The following CAST variants were observed in gnomAD, a reference collection of about 807,000 sequenced individuals.
CAST encodes calpastatin.
Under a neutral mutation model 119.6 loss-of-function variants are expected in CAST, and 76 were observed. The observed-to-expected ratio is 0.64, with a 90% CI of 0.53 to 0.77. The LOEUF is 0.77. Among genes scored for constraint, CAST ranks in the 30% least tolerant of loss-of-function variants. The pLI is 0.00. For missense variants in CAST, 953 were observed against 946.5 expected, an observed-to-expected ratio of 1.01 and a Z score of -0.09; for synonymous variants, 319 against 331.6, an observed-to-expected ratio of 0.96 and a Z score of 0.41.
chr5:96,688,530 G>A (rs139485547), intron 2 of CAST, among the ~76,000 whole-genome samples: 2 of 152,276 alleles, frequency 1.3e-5, no homozygotes, highest in East Asian at 3.9e-4. Flanking sequence ...ATATACTGAC[G>A]AAGGCATTTT....
At chr5:96,410,237 C>T in the CAST span, among the ~76,000 whole-genome samples, 3 of 152,060 alleles carry the variant, frequency 2.0e-5, no homozygotes, top group Non-Finnish European at 4.4e-5. Flanking sequence ...TCTGAGCATA[C>T]GACCTCCCCG....
the CAST span, among the ~76,000 whole-genome samples, chr5:96,354,164 T>C: frequency 6.6e-6 from 1 of 152,136 alleles, no homozygotes; most frequent in East Asian, 1.9e-4. Flanking sequence ...CCATCACCAG[T>C]CTCCTGAACC....
Position 96,741,288 on chromosome 5 carries a change from C to T in CAST, c.941C>T (p.Ala314Val). Residue 314 changes from alanine to valine, a missense_variant, in exon 14 of 32, where the codon GCT becomes GTT. Coordinates refer to ENST00000675179, the MANE Select transcript of CAST (RefSeq NM_001750.7). Reference protein sequence around the residue: ...DSSKPIGPDDAIDALSSDFTC... With the variant: ...DSSKPIGPDDVIDALSSDFTC... The stretch of plus-strand genomic sequence containing the variant: ...TAGAAACCCATAGGGCCAGATGATG[C>T]TATAGACGCCTTGTCATCTGACTTC... 6.2e-7 allele frequency: 1 copy of T among 1,611,824 alleles called. No homozygotes were observed. Among genetic ancestry groups the T allele is most frequent in the Non-Finnish European group, 8.5e-7 (1 of 1,177,940 alleles).
At chr5:96,345,295 T>G in the CAST span, among the ~76,000 whole-genome samples, 1 of 151,970 alleles carries the variant, frequency 6.6e-6, no homozygotes, top group African/African-American at 2.4e-5. Context: ...CTACTCTTTT[T>G]TGAAGAGTCC....
the CAST span, among the ~76,000 whole-genome samples, chr5:96,163,640 G>GCCA: frequency 6.6e-6 from 1 of 152,200 alleles, no homozygotes; most frequent in Non-Finnish European, 1.5e-5. Flanking sequence ...CTATTGCCCA[G>GCCA]CCACTGGGCC....
chr5:96,184,052 G>A, the CAST span, among the ~76,000 whole-genome samples: 1 of 152,184 alleles, frequency 6.6e-6, no homozygotes. Flanking sequence ...AATGAGGGTA[G>A]CATTTAATCA....
chr5:96,111,088 C>T, the CAST span: 2 of 152,326 alleles, frequency 1.3e-5, no homozygotes, highest in South Asian at 2.1e-4. Context: ...TAGTGAGTCC[C>T]CAGGTTACCT....
the CAST span, among the ~76,000 whole-genome samples, chr5:96,289,802 T>C: frequency 6.6e-6 from 1 of 152,160 alleles, no homozygotes; most frequent in South Asian, 2.1e-4. Flanking sequence ...CTCAGCTTTG[T>C]TGAGAGACAA....
At chr5:96,167,475 A>G in the CAST span, among the ~76,000 whole-genome samples, 1 of 152,330 alleles carries the variant, frequency 6.6e-6, no homozygotes, top group African/African-American at 2.4e-5. Context: ...AATGGGCTGT[A>G]CCCTGTAGCA....
rs185089427 is a variant in CAST, at chr5:96,565,994, G to A, written c.60+36114G>A. Among the ~76,000 whole-genome samples the A allele has an allele frequency of 3.2e-3, 494 of 152,182 alleles. 2 individuals are homozygous for A. The highest frequency in any genetic ancestry group is 0.01 in the Middle Eastern group (3 of 294). On this transcript the variant is annotated intron_variant, in intron 1 of 11. Coordinates refer to the CAST transcript ENST00000505143. ...ATTTATCCTAACTGAAAATAGAGGCGGAGAATCATCAGCCCTAGTATCCCT... is the reference window on the plus strand; with the variant it reads ...ATTTATCCTAACTGAAAATAGAGGCAGAGAATCATCAGCCCTAGTATCCCT...
At chr5:96,269,046 C>T in the CAST span, among the ~76,000 whole-genome samples, 1 of 152,252 alleles carries the variant, frequency 6.6e-6, no homozygotes, top group Admixed American at 6.5e-5. Flanking sequence ...TGCCTTCCAC[C>T]ATGATTATAA....
At chr5:96,365,573 A>G in the CAST span, among the ~76,000 whole-genome samples, 1 of 152,188 alleles carries the variant, frequency 6.6e-6, no homozygotes, top group Non-Finnish European at 1.5e-5. Flanking sequence ...CTTTACCATT[A>G]TGTAATGGCC....
chr5:96,256,300 T>G, the CAST span, among the ~76,000 whole-genome samples: 1 of 148,260 alleles, frequency 6.7e-6, no homozygotes, highest in African/African-American at 2.5e-5. Flanking sequence ...ATACAGTTTA[T>G]ACAGTATATT....
the CAST span, among the ~76,000 whole-genome samples, chr5:96,086,022 T>C: frequency 6.6e-6 from 1 of 152,194 alleles, no homozygotes; most frequent in Non-Finnish European, 1.5e-5. Flanking sequence ...AATCCATGAA[T>C]GCTCAAGTCT....
At chr5:96,350,573 CT>C in the CAST span, among the ~76,000 whole-genome samples, 2 of 151,982 alleles carry the variant, frequency 1.3e-5, no homozygotes, top group African/African-American at 4.8e-5. Flanking sequence ...ACATATGTAG[CT>C]TTTTTTTCTT....
intron 1 of CAST, among the ~76,000 whole-genome samples, chr5:96,560,704 A>C (rs1018393797): frequency 6.6e-6 from 1 of 151,902 alleles, no homozygotes; most frequent in African/African-American, 2.4e-5. Context: ...AGGAAACAAC[A>C]GGTGCTGGAG....
chr5:96,131,393 C>T, the CAST span, among the ~76,000 whole-genome samples: 1 of 151,440 alleles, frequency 6.6e-6, no homozygotes, highest in South Asian at 2.1e-4. Flanking sequence ...TGGAATGCAG[C>T]TGTAAATTTA....
chr5:96,012,338 C>A, the CAST span, among the ~76,000 whole-genome samples: 1 of 151,784 alleles, frequency 6.6e-6, no homozygotes, highest in African/African-American at 2.4e-5. Context: ...TACAATGGGT[C>A]CTTACCCAAA....
At chr5:96,711,289 G>C (rs1756096264) in intron 3 of CAST, among the ~76,000 whole-genome samples, 1 of 152,030 alleles carries the variant, frequency 6.6e-6, no homozygotes, top group African/African-American at 2.4e-5. Context: ...CATTCAACTT[G>C]GGAAGACAAC....
Sources: gnomAD v4.1 joint callset for allele counts (sites outside exome capture counted in the v4.1 genomes callset) on GRCh38, gnomAD v4.1.1 for gene constraint, MANE v1.5 for transcripts, NCBI Gene and HGNC (gene_info 2026-07-23, HGNC 2026-07-21) for gene names.